The following ELP4 variants were observed in gnomAD, a reference collection of about 807,000 sequenced individuals.
ELP4 encodes the protein elongator acetyltransferase complex subunit 4.
A neutral mutation model predicts 48.9 loss-of-function variants in ELP4; 51 were observed. The ratio of observed to expected loss-of-function variants is 1.04; its 90% CI spans 0.83 to 1.32. The LOEUF (loss-of-function observed/expected upper bound fraction) is 1.32. Among genes scored for constraint, ELP4 ranks in the 40% most tolerant of loss-of-function variants. The pLI is 0.00. For synonymous variants in ELP4, 210 were observed against 189.2 expected (o/e 1.11, Z -0.90); for missense variants, 519 against 514.6 (o/e 1.01, Z -0.08).
At chr11:31,561,596 G>A (rs754164459) in intron 3 of ELP4, among the ~76,000 whole-genome samples, 5 of 151,698 alleles carry the variant, frequency 3.3e-5, no homozygotes, top group Non-Finnish European at 4.4e-5. Flanking sequence ...GGCTCCCGCC[G>A]CCACACCTGA....
At chr11:31,741,839 C>G (rs1947458833) in intron 9 of ELP4, among the ~76,000 whole-genome samples, 1 of 152,164 alleles carries the variant, frequency 6.6e-6, no homozygotes, top group Admixed American at 6.5e-5. Context: ...ATCACAGCGC[C>G]TCTCCTTCTG....
chr11:31,529,901 A>C (rs1956366144), intron 2 of ELP4, among the ~76,000 whole-genome samples: 1 of 152,156 alleles, frequency 6.6e-6, no homozygotes, highest in African/African-American at 2.4e-5. Flanking sequence ...TCTGCATGGA[A>C]ACCACCTAAT....
chr11:31,759,099 A>G (rs1947892632), intron 9 of ELP4, among the ~76,000 whole-genome samples: 1 of 152,192 alleles, frequency 6.6e-6, no homozygotes, highest in African/African-American at 2.4e-5. Flanking sequence ...TATTTAAATG[A>G]CTACACATGC....
chr11:31,687,184 A>G (rs758648083), intron 9 of ELP4, among the ~76,000 whole-genome samples: 2 of 152,176 alleles, frequency 1.3e-5, no homozygotes, highest in Non-Finnish European at 2.9e-5. Flanking sequence ...AGAATAGGAC[A>G]TATAGGTGGA....
chr11:31,545,518 T>G (rs1395521761), intron 3 of ELP4, among the ~76,000 whole-genome samples: 1 of 151,738 alleles, frequency 6.6e-6, no homozygotes, highest in East Asian at 1.9e-4. Flanking sequence ...TTGGTGTACC[T>G]GAAAGTGATG....
At chr11:31,781,488 CTTTTTTTTT>C (rs141365629) in intron 9 of ELP4, among the ~76,000 whole-genome samples, 2 of 67,414 alleles carry the variant, frequency 3.0e-5, no homozygotes, top group African/African-American at 1.4e-4. Flanking sequence ...ATTCCTGAGC[CTTTTTTTTT>C]TTTTTTTTTT....
intron 9 of ELP4, among the ~76,000 whole-genome samples, chr11:31,769,494 T>A (rs1202423151): frequency 6.6e-6 from 1 of 152,228 alleles, no homozygotes; most frequent in Non-Finnish European, 1.5e-5. Context: ...TGGTGAATTG[T>A]CTGATTTCAA....
intron 9 of ELP4, among the ~76,000 whole-genome samples, chr11:31,684,339 T>C (rs1213088654): frequency 2.6e-5 from 4 of 152,100 alleles, no homozygotes; most frequent in African/African-American, 9.7e-5. Flanking sequence ...CCCAAGTAGC[T>C]GAAATTACAG....
chr11:31,709,271 C>T (rs1160573895), intron 9 of ELP4, among the ~76,000 whole-genome samples: 1 of 152,078 alleles, frequency 6.6e-6, no homozygotes, highest in Non-Finnish European at 1.5e-5. Flanking sequence ...ATATTACAAA[C>T]TATAGATTTG....
intron 9 of ELP4, among the ~76,000 whole-genome samples, chr11:31,772,091 G>C (rs1330633323): frequency 6.7e-6 from 1 of 150,242 alleles, no homozygotes; most frequent in Non-Finnish European, 1.5e-5. Context: ...TTCCTTAAAA[G>C]CACCTCTCAC....
chr11:31,734,643 A>G (rs756796926), intron 9 of ELP4, among the ~76,000 whole-genome samples: 2 of 152,252 alleles, frequency 1.3e-5, no homozygotes, highest in Non-Finnish European at 2.9e-5. Flanking sequence ...ATACTTAGGA[A>G]AAAACTTCAC....
At chr11:31,782,347 A>G (rs1222438043) in intron 9 of ELP4, among the ~76,000 whole-genome samples, 1 of 152,092 alleles carries the variant, frequency 6.6e-6, no homozygotes, top group Admixed American at 6.5e-5. Context: ...GAATTTTCCA[A>G]ATGAAGGGTT....
chr11:31,536,214 G>A (rs886104203), intron 2 of ELP4, among the ~76,000 whole-genome samples: 1 of 151,882 alleles, frequency 6.6e-6, no homozygotes, highest in Admixed American at 6.6e-5. Context: ...AAAAAAAGCT[G>A]TCATAAACCT....
At chr11:31,693,651 A>C (rs764111085) in intron 9 of ELP4, among the ~76,000 whole-genome samples, 1 of 152,176 alleles carries the variant, frequency 6.6e-6, no homozygotes, top group African/African-American at 2.4e-5. Flanking sequence ...TAGCAGCATG[A>C]TTTGTAATCC....
chr11:31,681,741 CTTTT>C (rs367852606), intron 9 of ELP4: 3 of 142,038 alleles, frequency 2.1e-5, no homozygotes, highest in Non-Finnish European at 3.0e-5. Context: ...TATTTCTTTC[CTTTT>C]TTTTTTTTTT....
intron 3 of ELP4, among the ~76,000 whole-genome samples, chr11:31,548,489 T>G (rs369328265): frequency 6.6e-6 from 1 of 151,714 alleles, no homozygotes; most frequent in African/African-American, 2.4e-5. Context: ...TAAAAGAGGA[T>G]ACAAACAAAT....
intron 9 of ELP4, chr11:31,651,802 G>T (rs1945324945): frequency 6.6e-6 from 1 of 151,678 alleles, no homozygotes; most frequent in Non-Finnish European, 1.5e-5. Context: ...TAAGCAAGAT[G>T]ATTCCCCTGT....
At chr11:31,696,427 C>T (rs187433902) in intron 9 of ELP4, among the ~76,000 whole-genome samples, 1 of 152,056 alleles carries the variant, frequency 6.6e-6, no homozygotes, top group East Asian at 1.9e-4. Flanking sequence ...TGTTATATAC[C>T]CAGTAGTCAT....
chr11:31,522,405 C>T (rs1162615931), intron 2 of ELP4, among the ~76,000 whole-genome samples: 3 of 152,164 alleles, frequency 2.0e-5, no homozygotes, highest in African/African-American at 2.4e-5. Context: ...TACATGGGAA[C>T]ATTTCACACC....
Sources: allele counts gnomAD v4.1 joint callset (sites outside exome capture counted in the v4.1 genomes callset), GRCh38; gene constraint gnomAD v4.1.1; transcripts MANE v1.5; gene names NCBI Gene and HGNC (gene_info 2026-07-23, HGNC 2026-07-21).